Variants in NBAS observed in about 807,000 individuals in gnomAD.
NBAS encodes NBAS subunit of NRZ tethering complex.
Under a neutral mutation model 302.5 loss-of-function variants are expected in NBAS, and 219 were observed. The ratio of observed to expected loss-of-function variants is 0.72; its 90% CI spans 0.65 to 0.81. The LOEUF is 0.81. Among genes scored for constraint, NBAS ranks in the 30% least tolerant of loss-of-function variants. The probability of loss-of-function intolerance (pLI) is 0.00; values close to 1 mark genes in which losing one functional copy is unlikely to be tolerated. For synonymous variants in NBAS, 1,118 were observed against 1,021.6 expected, an observed-to-expected ratio of 1.09 and a Z score of -1.80; for missense variants, 2,932 against 2,841.6, an observed-to-expected ratio of 1.03 and a Z score of -0.72.
At chr2:15,404,486 A>G (rs1676309497) in intron 25 of NBAS, among the ~76,000 whole-genome samples, 1 of 151,744 alleles carries the variant, frequency 6.6e-6, no homozygotes, top group Admixed American at 6.6e-5. Flanking sequence ...CCTCTGTGAG[A>G]CATTAAATAA....
intron 11 of NBAS, among the ~76,000 whole-genome samples, chr2:15,494,943 C>T (rs575539258): frequency 6.6e-5 from 10 of 152,144 alleles, no homozygotes; most frequent in African/African-American, 1.9e-4. Context: ...ATGTGGCATG[C>T]TCCAGATGAC....
the NBAS span, among the ~76,000 whole-genome samples, chr2:15,109,000 G>A: frequency 6.6e-6 from 1 of 152,054 alleles, no homozygotes; most frequent in Non-Finnish European, 1.5e-5. Flanking sequence ...CAAGGTTAAG[G>A]TCAAATCTTT....
chr2:15,551,965 T>C (rs1476353476), intron 5 of NBAS, among the ~76,000 whole-genome samples: 2 of 152,210 alleles, frequency 1.3e-5, no homozygotes, highest in African/African-American at 2.4e-5. Context: ...GGAAAAAGTC[T>C]TATTTTGAGA....
the NBAS span, among the ~76,000 whole-genome samples, chr2:15,131,917 T>G: frequency 7.6e-4 from 116 of 152,214 alleles, no homozygotes; most frequent in Non-Finnish European, 1.3e-3. Flanking sequence ...AATTACCAGA[T>G]CATGCAAGAA....
At chr2:15,128,186 C>T in the NBAS span, among the ~76,000 whole-genome samples, 4 of 152,304 alleles carry the variant, frequency 2.6e-5, no homozygotes, top group African/African-American at 9.6e-5. Context: ...CTGAGTTTTT[C>T]TCAACTTATT....
intron 35 of NBAS, among the ~76,000 whole-genome samples, chr2:15,340,484 C>G (rs927139112): frequency 6.6e-6 from 1 of 152,046 alleles, no homozygotes; most frequent in Non-Finnish European, 1.5e-5. Context: ...ATCAGTAGTT[C>G]AATTTTAACA....
intron 51 of NBAS, among the ~76,000 whole-genome samples, chr2:15,173,650 G>T (rs959218916): frequency 1.3e-5 from 2 of 152,050 alleles, no homozygotes; most frequent in African/African-American, 4.8e-5. Flanking sequence ...TCCTGGCATG[G>T]CACTTAATGG....
At chr2:14,983,886 G>C in the NBAS span, among the ~76,000 whole-genome samples, 1 of 152,154 alleles carries the variant, frequency 6.6e-6, no homozygotes, top group Non-Finnish European at 1.5e-5. Context: ...TGAGTTTCCA[G>C]TGCTCCTGGC....
At chr2:14,852,728 A>T in the NBAS span, among the ~76,000 whole-genome samples, 1 of 149,460 alleles carries the variant, frequency 6.7e-6, no homozygotes, top group Admixed American at 6.7e-5. Context: ...ACAGAGATAT[A>T]GATCAATGGA....
At chr2:15,039,634 C>A in the NBAS span, among the ~76,000 whole-genome samples, 4 of 152,186 alleles carry the variant, frequency 2.6e-5, no homozygotes, top group Admixed American at 2.0e-4. Context: ...AAAGCCATGA[C>A]TTTAAAACAA....
At chr2:15,215,237 G>A (rs1666601567) in intron 48 of NBAS, among the ~76,000 whole-genome samples, 1 of 151,942 alleles carries the variant, frequency 6.6e-6, no homozygotes, top group Non-Finnish European at 1.5e-5. Context: ...GAAAAATGAA[G>A]GCCTCTGAAT....
At chr2:15,186,985 A>T in intron 49 of NBAS, 105 bp from the exon 50 acceptor site, 3 of 1,495,224 alleles carry the variant, frequency 2.0e-6, no homozygotes, top group Non-Finnish European at 2.8e-6. Flanking sequence ...TTACAATCAG[A>T]ATCTAGGTGA....
At chr2:15,045,553 C>CAT in the NBAS span, among the ~76,000 whole-genome samples, 1 of 152,026 alleles carries the variant, frequency 6.6e-6, no homozygotes, top group South Asian at 2.1e-4. Flanking sequence ...TATACATATA[C>CAT]ATATATATAC....
At chr2:14,909,187 G>T in the NBAS span, among the ~76,000 whole-genome samples, 1 of 151,780 alleles carries the variant, frequency 6.6e-6, no homozygotes, top group South Asian at 2.1e-4. Flanking sequence ...GGGCATGGTG[G>T]CGGGCATCTG....
chr2:14,807,051 C>T, the NBAS span, among the ~76,000 whole-genome samples: 1 of 152,110 alleles, frequency 6.6e-6, no homozygotes, highest in African/African-American at 2.4e-5. Flanking sequence ...AAAAAACCTA[C>T]ACTAACAAAC....
intron 25 of NBAS, among the ~76,000 whole-genome samples, chr2:15,410,014 C>T (rs1676605752): frequency 6.6e-6 from 1 of 152,134 alleles, no homozygotes; most frequent in Non-Finnish European, 1.5e-5. Flanking sequence ...TGTTTGACTG[C>T]TCAGAAAGAA....
chr2:15,500,541 A>AC lies in NBAS; in HGVS notation c.954+3603_954+3604insG, dbSNP rs1558392987. Among the ~76,000 whole-genome samples the AC allele has an allele frequency of 1.4e-4, 18 of 126,002 alleles. No homozygotes were observed. The South Asian group carries it at 2.0e-3, about 14-fold the overall frequency. The allele number at this position is 126,002 out of a possible 152,430, so 82.7% of individuals were successfully genotyped here. ...ACACACACACACACACACACACACAAAATTAGAAATCTATCCTTCAAATCA... is the reference window on the plus strand; with the variant it reads ...ACACACACACACACACACACACACAACAATTAGAAATCTATCCTTCAAATCA... On this transcript the variant is annotated intron_variant, in intron 11 of 51. Coordinates refer to ENST00000281513, the MANE Select transcript of NBAS (RefSeq NM_015909.4).
At chr2:15,531,576 T>A (rs1663216700) in intron 9 of NBAS, among the ~76,000 whole-genome samples, 1 of 152,178 alleles carries the variant, frequency 6.6e-6, no homozygotes, top group Admixed American at 6.5e-5. Flanking sequence ...AAGTAAGAAG[T>A]TACCAGGTGG....
chr2:14,903,676 G>A, the NBAS span, among the ~76,000 whole-genome samples: 19,371 of 152,234 alleles, frequency 0.13, 1,355 homozygotes, highest in Middle Eastern at 0.17. Flanking sequence ...AAACTTTCAC[G>A]TTAGTACAAA....
Sources: allele counts gnomAD v4.1 joint callset (sites outside exome capture counted in the v4.1 genomes callset), GRCh38; gene constraint gnomAD v4.1.1; transcripts MANE v1.5; gene names NCBI Gene and HGNC (gene_info 2026-07-23, HGNC 2026-07-21).